Variants in TENM3 observed in about 807,000 individuals in gnomAD.
TENM3 encodes teneurin transmembrane protein 3.
TENM3 carries 63 observed loss-of-function variants against 255.1 expected under a neutral mutation model. The ratio of observed to expected loss-of-function variants is 0.25; its 90% CI spans 0.20 to 0.30. The LOEUF is 0.30. Ranked by LOEUF, TENM3 falls within the 10% of genes least tolerant of loss-of-function variation. The pLI is 1.00. For synonymous variants in TENM3, 1,306 were observed against 1,322.3 expected, an observed-to-expected ratio of 0.99 and a Z score of 0.27; for missense variants, 2,929 against 3,461.1, an observed-to-expected ratio of 0.85 and a Z score of 3.86.
intron 3 of TENM3, among the ~76,000 whole-genome samples, chr4:182,543,689 A>G (rs920577967): frequency 1.3e-5 from 2 of 152,094 alleles, no homozygotes; most frequent in African/African-American, 2.4e-5. Context: ...GTGTGTGTAT[A>G]TATGTAAGTT....
chr4:182,290,576 C>T (rs1761052890), intron 1 of TENM3, among the ~76,000 whole-genome samples: 2 of 151,212 alleles, frequency 1.3e-5, no homozygotes, highest in South Asian at 2.1e-4. Flanking sequence ...AATCTCTGCT[C>T]ACTGCAATCT....
chr4:181,852,022 T>G, the TENM3 span, among the ~76,000 whole-genome samples: 1 of 152,220 alleles, frequency 6.6e-6, no homozygotes, highest in South Asian at 2.1e-4. Context: ...CAAATTTACC[T>G]CTTTCTGACC....
chr4:182,128,843 G>C, the TENM3 span, among the ~76,000 whole-genome samples: 1 of 152,138 alleles, frequency 6.6e-6, no homozygotes. Flanking sequence ...AATTACCTTT[G>C]ATTTGACATT....
the TENM3 span, among the ~76,000 whole-genome samples, chr4:181,515,668 C>T: frequency 6.6e-5 from 10 of 152,106 alleles, no homozygotes; most frequent in Admixed American, 5.2e-4. Flanking sequence ...ATATTCATGT[C>T]CTAATACTTT....
At chr4:182,461,622 T>C (rs560724466) in intron 3 of TENM3, among the ~76,000 whole-genome samples, 2 of 152,302 alleles carry the variant, frequency 1.3e-5, no homozygotes, top group East Asian at 3.9e-4. Flanking sequence ...GTAGTATTAA[T>C]AGAAGTAGAG....
At chr4:182,117,478 A>G in the TENM3 span, among the ~76,000 whole-genome samples, 1 of 152,088 alleles carries the variant, frequency 6.6e-6, no homozygotes, top group Non-Finnish European at 1.5e-5. Flanking sequence ...AATTTTTGTG[A>G]ACATTGTGAG....
the TENM3 span, among the ~76,000 whole-genome samples, chr4:182,102,726 G>A: frequency 1.2e-4 from 18 of 152,268 alleles, no homozygotes; most frequent in African/African-American, 4.3e-4. Flanking sequence ...GTCTGAGCCT[G>A]CCTCCGCCTC....
the TENM3 span, among the ~76,000 whole-genome samples, chr4:181,669,735 C>T: frequency 6.6e-6 from 1 of 152,156 alleles, no homozygotes; most frequent in African/African-American, 2.4e-5. Context: ...TCCTGACACA[C>T]CTGGCTGCCT....
chr4:182,446,763 T>C (rs1464390560), intron 3 of TENM3, among the ~76,000 whole-genome samples: 1 of 152,268 alleles, frequency 6.6e-6, no homozygotes, highest in East Asian at 1.9e-4. Context: ...CCCAGCCTCT[T>C]GGCAAATTTT....
chr4:182,799,410 G>A lies in TENM3; in HGVS notation c.7345-186G>A, dbSNP rs557133931. Among the ~76,000 whole-genome samples, 13 of 152,324 alleles carry A rather than the reference G, an allele frequency of 8.5e-5. No homozygotes were observed. The East Asian group carries it at 2.5e-3, about 29-fold the overall frequency. On this transcript the variant is annotated intron_variant, in intron 27 of 27. Coordinates refer to ENST00000511685, the MANE Select transcript of TENM3 (RefSeq NM_001080477.4). The surrounding 1 kb of genome is among the most constrained non-coding windows in gnomAD (Gnocchi z 4.2). ...AGCCATTTGGGGGTTCCAGAGCATC[G>A]GGATCACCTTGAGGGGGAGGGATCT...
chr4:182,081,603 A>AAAAAGAAGAAG, the TENM3 span, among the ~76,000 whole-genome samples: 1 of 147,752 alleles, frequency 6.8e-6, no homozygotes, highest in Non-Finnish European at 1.5e-5. Flanking sequence ...AAAAAAAAAA[A>AAAAAGAAGAAG]AAGAAGAAGA....
At chr4:181,856,832 A>T in the TENM3 span, among the ~76,000 whole-genome samples, 1 of 152,172 alleles carries the variant, frequency 6.6e-6, no homozygotes, top group South Asian at 2.1e-4. Context: ...TGGTGAAGTG[A>T]AGTCTGGGCC....
At chr4:181,978,499 T>C in the TENM3 span, among the ~76,000 whole-genome samples, 2 of 151,706 alleles carry the variant, frequency 1.3e-5, no homozygotes, top group African/African-American at 4.8e-5. Context: ...ATACAAAAAT[T>C]AGCGAGGCAT....
At chr4:182,768,785 C>T (rs1426015298) in intron 22 of TENM3, among the ~76,000 whole-genome samples, 1 of 152,152 alleles carries the variant, frequency 6.6e-6, no homozygotes, top group Non-Finnish European at 1.5e-5. Flanking sequence ...AACAGATAAA[C>T]ATCAAATAAG....
At chr4:181,959,023 G>A in the TENM3 span, among the ~76,000 whole-genome samples, 1 of 152,086 alleles carries the variant, frequency 6.6e-6, no homozygotes, top group South Asian at 2.1e-4. Context: ...AAGAATCAGA[G>A]CATTGAATGG....
At chr4:182,157,126 G>C (rs1228731950) in intron 1 of TENM3, among the ~76,000 whole-genome samples, 2 of 152,208 alleles carry the variant, frequency 1.3e-5, no homozygotes, top group African/African-American at 4.8e-5. Context: ...GCAGTGCCTT[G>C]AAACTCTGAG....
the TENM3 span, among the ~76,000 whole-genome samples, chr4:182,035,293 A>T: frequency 6.6e-6 from 1 of 152,204 alleles, no homozygotes. Context: ...ACACAGTTTA[A>T]ATCAGCAAAT....
chr4:181,809,997 T>C, the TENM3 span, among the ~76,000 whole-genome samples: 1 of 152,162 alleles, frequency 6.6e-6, no homozygotes, highest in Admixed American at 6.5e-5. Context: ...GAGCGTACAT[T>C]TGTGTTGTTT....
chr4:181,568,304 C>G, the TENM3 span, among the ~76,000 whole-genome samples: 1 of 151,868 alleles, frequency 6.6e-6, no homozygotes, highest in African/African-American at 2.4e-5. Context: ...GCTGAGATTA[C>G]AGGCGCCCGC....
Sources: gnomAD v4.1 joint callset for allele counts (sites outside exome capture counted in the v4.1 genomes callset) on GRCh38, gnomAD v4.1.1 for gene constraint, Gnocchi (gnomAD v3.1) non-coding constraint, MANE v1.5 for transcripts, NCBI Gene and HGNC (gene_info 2026-07-23, HGNC 2026-07-21) for gene names.